Variants in SSBP4 observed in about 807,000 individuals in gnomAD.
SSBP4 encodes single-stranded DNA-binding protein 4.
A neutral mutation model predicts 64.6 loss-of-function variants in SSBP4; 33 were observed. The observed-to-expected ratio is 0.51, with a 90% confidence interval of 0.39 to 0.68. SSBP4 has a LOEUF of 0.68. SSBP4 is among the 30% of genes least tolerant of loss of function. The probability of loss-of-function intolerance (pLI) is 0.00; values close to 1 mark genes in which losing one functional copy is unlikely to be tolerated. For synonymous variants in SSBP4, 243 were observed against 224.0 expected, an observed-to-expected ratio of 1.08 and a Z score of -0.76; for missense variants, 583 against 566.8, an observed-to-expected ratio of 1.03 and a Z score of -0.29.
At chr19:18,421,297 C>T (rs1040324898) in intron 1 of SSBP4, among the ~76,000 whole-genome samples, 1 of 152,252 alleles carries the variant, frequency 6.6e-6, no homozygotes, top group Admixed American at 6.5e-5. Context: ...CATTTCCAAG[C>T]ACCCTTAAGC....
intron 17 of SSBP4, 155 bp from the exon 18 acceptor site, chr19:18,434,062 C>A: frequency 9.5e-6 from 12 of 1,263,050 alleles, no homozygotes; most frequent in Non-Finnish European, 1.2e-5. Context: ...GGGCGGCCTT[C>A]CCATGCATCG....
At chr19:18,414,404 A>T (rs1262874899), upstream of SSBP4, among the ~76,000 whole-genome samples, 1 of 151,780 alleles carries the variant, frequency 6.6e-6, no homozygotes, top group Non-Finnish European at 1.5e-5. Flanking sequence ...AGGTGGGAGG[A>T]TCACTTAAAC....
In SSBP4 at chr19:18,431,348, C is replaced by T; in HGVS notation, c.370-5C>T. On this transcript the variant is annotated splice_polypyrimidine_tract_variant and splice_region_variant and intron_variant, in intron 5 of 17. Coordinates refer to ENST00000270061, the MANE Select transcript of SSBP4 (RefSeq NM_032627.5). ...CCCCCCACCCACCTGGTTCTGTCCTCCTAGGGCCCCCCCGGCTCCCAGCCG... is the reference window on the plus strand; with the variant it reads ...CCCCCCACCCACCTGGTTCTGTCCTTCTAGGGCCCCCCCGGCTCCCAGCCG... The T allele has an allele frequency of 2.6e-6, 2 of 767,660 alleles. No homozygotes were observed. The highest frequency in any genetic ancestry group is 3.1e-5 in the East Asian group (1 of 32,734). 47.6% of individuals were successfully genotyped at this position (767,660 alleles called of 1,614,324 possible).
chr19:18,413,294 C>T, the SSBP4 span, among the ~76,000 whole-genome samples: 2 of 151,986 alleles, frequency 1.3e-5, no homozygotes, highest in South Asian at 2.1e-4. Flanking sequence ...CGGCAACCTC[C>T]GCTTCCTGGG....
At position 18,427,888 on chromosome 19, in the gene SSBP4, T is replaced by G. The variant is rs1426472657; in HGVS notation, c.195-10T>G. On this transcript the variant is annotated splice_polypyrimidine_tract_variant and intron_variant, in intron 3 of 17. Transcript: ENST00000270061. The surrounding 1 kb of genome is among the most constrained non-coding windows in gnomAD (Gnocchi z 4.4). The stretch of plus-strand genomic sequence containing the variant: ...CACGTGGAGCAACCATCTTCCCCTT[T>G]GGCCCACAGCGTCTTCTGGGACCTG... The G allele has an allele frequency of 3.1e-6, 5 of 1,613,928 alleles. No individual in the cohort carries two copies. The Admixed American group carries it at 6.7e-5, about 22-fold the overall frequency.
chr19:18,403,040 A>G, the SSBP4 span, among the ~76,000 whole-genome samples: 8 of 152,062 alleles, frequency 5.3e-5, no homozygotes, highest in African/African-American at 1.9e-4. Context: ...TAGGAGAAAA[A>G]CCGCCCTATG....
intron 1 of SSBP4, among the ~76,000 whole-genome samples, chr19:18,420,395 G>C (rs1055808013): frequency 5.9e-5 from 9 of 152,124 alleles, no homozygotes; most frequent in African/African-American, 2.2e-4. Context: ...GCGCTCTGAA[G>C]CTGGTAGGGG....
At chr19:18,433,366 G>A (rs888661234) in intron 15 of SSBP4, 153 bp downstream of exon 15, 1 of 1,270,662 alleles carries the variant, frequency 7.9e-7, no homozygotes, top group Non-Finnish European at 1.1e-6. Flanking sequence ...GCTGCCCCGA[G>A]CTGGAGGGGG....
At chr19:18,404,681 A>C in the SSBP4 span, among the ~76,000 whole-genome samples, 3 of 150,910 alleles carry the variant, frequency 2.0e-5, no homozygotes, top group South Asian at 6.3e-4. Flanking sequence ...TCACAAGGTC[A>C]GGAGATTGAG....
At chr19:18,413,797 G>T in the SSBP4 span, among the ~76,000 whole-genome samples, 1 of 152,076 alleles carries the variant, frequency 6.6e-6, no homozygotes, top group African/African-American at 2.4e-5. Context: ...CGGGCAGATC[G>T]CCTGAAGTCG....
chr19:18,434,194 G>A (rs773582697), intron 17 of SSBP4, 23 bp from the exon 18 acceptor site: 3 of 1,610,114 alleles, frequency 1.9e-6, no homozygotes, highest in East Asian at 2.2e-5. Flanking sequence ...GCCCCTGCGC[G>A]CTGCCCCCTC....
rs776524253 is a variant in SSBP4, at chr19:18,433,155, G to A, written c.933G>A (p.Pro311=). 5 of 1,600,388 alleles carry A rather than the reference G, an allele frequency of 3.1e-6. No individual in the cohort carries two copies. In the South Asian group the frequency reaches 3.3e-5, roughly 11 times the overall value. ...CGCAGTTCCCGCTCGGCCCTGGCCC[G>A]GAGGGCCCCATGGCCGCCATGAGCG... is the stretch of plus-strand genomic sequence containing the variant. The part of the protein sequence containing the change: ...GRANFPLGPG[P]EGPMAAMSAM... The change falls in exon 15 of 18, where the codon CCG becomes CCA. Residue 311 remains proline, a synonymous_variant. Coordinates refer to ENST00000270061, the MANE Select transcript of SSBP4 (RefSeq NM_032627.5).
the SSBP4 span, among the ~76,000 whole-genome samples, chr19:18,404,989 C>T: frequency 2.1e-5 from 3 of 145,842 alleles, no homozygotes; most frequent in Non-Finnish European, 3.0e-5. Context: ...CCAGAGGCCC[C>T]CCCCCCCGCG....
intron 4 of SSBP4, among the ~76,000 whole-genome samples, chr19:18,430,543 C>G (rs932987353): frequency 6.6e-6 from 1 of 152,086 alleles, no homozygotes; most frequent in East Asian, 1.9e-4. Flanking sequence ...TTTGGGGGGT[C>G]CTGAGTAGAG....
chr19:18,433,665 A>C (rs971808223), intron 16 of SSBP4, 45 bp from the exon 17 acceptor site: 8 of 532,272 alleles, frequency 1.5e-5, no homozygotes, highest in African/African-American at 6.4e-5. Flanking sequence ...GGTGGCGGGG[A>C]GGGGGCGGGG....
Position 18,419,561 on chromosome 19 carries a change from G to C in SSBP4, c.-88G>C. The C allele has an allele frequency of 8.5e-7, 1 of 1,182,532 alleles. No homozygotes were observed. The highest frequency in any genetic ancestry group is 1.0e-6 in the Non-Finnish European group (1 of 953,182). 73.3% of individuals were successfully genotyped at this position (1,182,532 alleles called of 1,614,324 possible). ...CCTGGGGCTCGGGGCGGTGAGGCCC[G>C]GGGCGCGGGGTAGCTATGGCGACGG... On this transcript the variant is annotated 5_prime_UTR_variant, in exon 1 of 18. Coordinates refer to ENST00000270061, the MANE Select transcript of SSBP4 (RefSeq NM_032627.5).
At chr19:18,413,759 G>A in the SSBP4 span, among the ~76,000 whole-genome samples, 1 of 151,798 alleles carries the variant, frequency 6.6e-6, no homozygotes, top group Non-Finnish European at 1.5e-5. Context: ...GCTCACACCT[G>A]TAATCGCAGC....
rs1972907114 is a variant in SSBP4 at position 18,427,060 on chromosome 19, G to T, written c.60-291G>T. On this transcript the variant is annotated intron_variant, in intron 1 of 17. Transcript: ENST00000270061. This position sits in a 1 kb window ranked among gnomAD's most constrained non-coding sequence, Gnocchi z 4.4. ...ACACACAGGAATGACACTCCTCTAT[G>T]GAGGAGACCTCCCCAGCGCTGAGGC... Among the ~76,000 whole-genome samples the T allele has an allele frequency of 6.6e-6, 1 of 152,116 alleles. No individual in the cohort carries two copies. Among genetic ancestry groups the T allele is most frequent in the Non-Finnish European group, 1.5e-5 (1 of 68,008 alleles).
At position 18,432,141 on chromosome 19, in the gene SSBP4, C is replaced by T. The variant is rs778187496; in HGVS notation, c.637-6C>T. 3.7e-6 allele frequency: 6 copies of T among 1,613,012 alleles called. No individual in the cohort carries two copies. In the East Asian group the frequency reaches 1.3e-4, roughly 36 times the overall value. On this transcript the variant is annotated splice_region_variant and splice_polypyrimidine_tract_variant and intron_variant, in intron 9 of 17. Transcript: ENST00000270061. ...TCTACCCCTCACAGCCCCTTTGCCT[C>T]CGCAGAGCTATGGAGGTGGCATGCG...
Sources: gnomAD v4.1 joint callset for allele counts (sites outside exome capture counted in the v4.1 genomes callset) on GRCh38, gnomAD v4.1.1 for gene constraint, Gnocchi (gnomAD v3.1) non-coding constraint, MANE v1.5 for transcripts, NCBI Gene and HGNC (gene_info 2026-07-23, HGNC 2026-07-21) for gene names.